The following SEL1L2 variants were observed in gnomAD, a reference collection of about 807,000 sequenced individuals.
SEL1L2 encodes the protein protein sel-1 homolog 2.
A neutral mutation model predicts 98.8 loss-of-function variants in SEL1L2; 89 were observed. That is an observed-to-expected ratio of 0.90 (90% CI 0.76 to 1.07). The LOEUF is 1.07. Among genes scored for constraint, SEL1L2 ranks in the 50% least tolerant of loss-of-function variants. The probability of loss-of-function intolerance (pLI) is 0.00; values close to 1 mark genes in which losing one functional copy is unlikely to be tolerated. For synonymous variants in SEL1L2, 262 were observed against 278.5 expected (o/e 0.94, Z 0.59); for missense variants, 788 against 812.0 (o/e 0.97, Z 0.36).
intron 1 of SEL1L2, among the ~76,000 whole-genome samples, chr20:13,960,376 A>G (rs909280050): frequency 3.9e-5 from 6 of 152,328 alleles, no homozygotes; most frequent in South Asian, 4.1e-4. Context: ...CGAAAGTAGG[A>G]TAAGTGTAGA....
At chr20:13,941,619 A>T (rs2049778952) in intron 2 of SEL1L2, among the ~76,000 whole-genome samples, 1 of 152,198 alleles carries the variant, frequency 6.6e-6, no homozygotes, top group South Asian at 2.1e-4. Flanking sequence ...TACAGATAGG[A>T]GATTACATTT....
chr20:13,968,011 T>A (rs1297127466), intron 1 of SEL1L2, among the ~76,000 whole-genome samples: 3 of 152,230 alleles, frequency 2.0e-5, no homozygotes, highest in African/African-American at 7.2e-5. Flanking sequence ...GGCTAATGGC[T>A]TAGTTATATA....
chr20:13,878,108 G>C (rs138043774), intron 10 of SEL1L2, among the ~76,000 whole-genome samples: 38 of 152,262 alleles, frequency 2.5e-4, no homozygotes, highest in African/African-American at 8.2e-4. Flanking sequence ...GACTCAAATT[G>C]AAGGAGGCCA....
At chr20:13,859,535 A>G (rs1468788019) in intron 17 of SEL1L2, 101 bp from the exon 18 acceptor site, 2 of 993,108 alleles carry the variant, frequency 2.0e-6, no homozygotes, top group South Asian at 1.7e-5. Context: ...TTTAAAATAT[A>G]TATGTATCTA....
intron 14 of SEL1L2, among the ~76,000 whole-genome samples, chr20:13,867,537 A>T (rs2045983424): frequency 6.6e-6 from 1 of 152,114 alleles, no homozygotes; most frequent in South Asian, 2.1e-4. Context: ...TTAAGAGCAA[A>T]AGCTCTGGAG....
intron 2 of SEL1L2, among the ~76,000 whole-genome samples, chr20:13,935,334 GTC>G (rs371493070): frequency 2.3e-4 from 35 of 152,268 alleles, no homozygotes; most frequent in African/African-American, 8.2e-4. Context: ...AACAAACAAA[GTC>G]TCTGCCCTCT....
At chr20:13,854,179 C>T (rs1315611827) in intron 18 of SEL1L2, among the ~76,000 whole-genome samples, 1 of 152,164 alleles carries the variant, frequency 6.6e-6, no homozygotes, top group Non-Finnish European at 1.5e-5. Context: ...TTTGACAGGT[C>T]TATTGATAAT....
chr20:13,934,706 G>A (rs2049368893), intron 2 of SEL1L2, among the ~76,000 whole-genome samples: 1 of 151,206 alleles, frequency 6.6e-6, no homozygotes, highest in Non-Finnish European at 1.5e-5. Flanking sequence ...TTCCACACTG[G>A]TTGTTTTAGT....
intron 5 of SEL1L2, among the ~76,000 whole-genome samples, chr20:13,911,265 T>G (rs1203339004): frequency 1.3e-5 from 2 of 152,246 alleles, no homozygotes; most frequent in Non-Finnish European, 2.9e-5. Context: ...ATTACTACAT[T>G]ACGTTTGACA....
chr20:13,866,392 A>T (rs1168892331), intron 15 of SEL1L2, among the ~76,000 whole-genome samples: 2 of 152,164 alleles, frequency 1.3e-5, no homozygotes, highest in Non-Finnish European at 2.9e-5. Context: ...ATCCCACTAG[A>T]AGTGCCAAAT....
chr20:13,980,628 C>A (rs947792265), intron 1 of SEL1L2, among the ~76,000 whole-genome samples: 1 of 152,136 alleles, frequency 6.6e-6, no homozygotes, highest in Admixed American at 6.5e-5. Context: ...AGCAATCCCC[C>A]CTCTAGGTAT....
intron 14 of SEL1L2, among the ~76,000 whole-genome samples, chr20:13,869,039 A>C: frequency 6.8e-6 from 1 of 147,214 alleles, no homozygotes; most frequent in Admixed American, 6.8e-5. Flanking sequence ...TTGGCTTTCC[A>C]TTCTTCTCAG....
chr20:13,875,965 T>A lies in SEL1L2; in HGVS notation c.1104+73A>T, dbSNP rs2046407668. ...CTGGGCTTGGGACTTCGAAGTCAAT[T>A]CTTTGGCACCAGTCTGCGTGTAATA... On this transcript the variant is annotated intron_variant, in intron 12 of 19. Transcript: ENST00000284951. The A allele has an allele frequency of 4.2e-6, 5 of 1,185,088 alleles. No individual in the cohort carries two copies. In the South Asian group the frequency reaches 6.1e-5, roughly 15 times the overall value. 73.4% of individuals were successfully genotyped at this position (1,185,088 alleles called of 1,614,324 possible).
chr20:13,978,129 C>A (rs527712744), intron 1 of SEL1L2, among the ~76,000 whole-genome samples: 1 of 152,176 alleles, frequency 6.6e-6, no homozygotes. Context: ...ATACTCAAAA[C>A]AGCATGATAC....
At chr20:13,945,739 C>T (rs2049978231) in intron 2 of SEL1L2, among the ~76,000 whole-genome samples, 1 of 151,944 alleles carries the variant, frequency 6.6e-6, no homozygotes, top group Non-Finnish European at 1.5e-5. Context: ...AAATTATTTA[C>T]CATGACCAAG....
At chr20:13,911,578 T>C (rs1321864295) in intron 5 of SEL1L2, among the ~76,000 whole-genome samples, 1 of 152,184 alleles carries the variant, frequency 6.6e-6, no homozygotes, top group South Asian at 2.1e-4. Flanking sequence ...TATTGCATTA[T>C]TTCACATGTA....
At chr20:13,946,548 A>G (rs1479836429) in intron 2 of SEL1L2, among the ~76,000 whole-genome samples, 2 of 152,248 alleles carry the variant, frequency 1.3e-5, no homozygotes, top group East Asian at 1.9e-4. Flanking sequence ...CACTGCAGAA[A>G]TGCCAGCTGC....
At chr20:13,897,815 A>C (rs897169548) in intron 5 of SEL1L2, among the ~76,000 whole-genome samples, 7 of 152,148 alleles carry the variant, frequency 4.6e-5, no homozygotes, top group Admixed American at 4.6e-4. Flanking sequence ...AAGTGAGCCA[A>C]GATCGTGCCA....
In SEL1L2 at chr20:13,866,826, T is replaced by C. The variant is rs758678447; in HGVS notation, c.1280A>G (p.Tyr427Cys). The C allele has an allele frequency of 8.7e-6, 14 of 1,611,550 alleles. No homozygotes were observed. The South Asian group carries it at 1.4e-4, about 17-fold the overall frequency. Residue 427 changes from tyrosine to cysteine, a missense_variant, in exon 15 of 20, where the codon TAT (tyrosine) becomes TGT (cysteine). By Grantham distance (194) the Tyr-to-Cys change is radical. Transcript: ENST00000284951. ...GTAAAAATATTTGAAGGCAAGTTTATAATCCTTCCATATTCCAGAGCCAGC... is the reference window on the plus strand; with the variant it reads ...GTAAAAATATTTGAAGGCAAGTTTACAATCCTTCCATATTCCAGAGCCAGC... ...YYSGSGIWKD[Y>C]KLAFKYFYLA...
Sources: gnomAD v4.1 joint callset for allele counts (sites outside exome capture counted in the v4.1 genomes callset) on GRCh38, gnomAD v4.1.1 for gene constraint, MANE v1.5 for transcripts, NCBI Gene and HGNC (gene_info 2026-07-23, HGNC 2026-07-21) for gene names.